The following TENM3 variants were observed in gnomAD, a reference collection of about 807,000 sequenced individuals.
TENM3 encodes teneurin transmembrane protein 3.
Under a neutral mutation model 255.1 loss-of-function variants are expected in TENM3, and 63 were observed. The ratio of observed to expected loss-of-function variants is 0.25; its 90% CI spans 0.20 to 0.30. TENM3 has a LOEUF of 0.30. TENM3 is among the 10% of genes least tolerant of loss of function. TENM3 has a pLI of 1.00. For missense variants in TENM3, 2,929 were observed against 3,461.1 expected (o/e 0.85, Z 3.86); for synonymous variants, 1,306 against 1,322.3 (o/e 0.99, Z 0.27).
the TENM3 span, among the ~76,000 whole-genome samples, chr4:182,038,878 C>T: frequency 5.9e-5 from 9 of 152,066 alleles, no homozygotes; most frequent in South Asian, 6.3e-4. Flanking sequence ...GGATTATAGG[C>T]GCCCGCCACC....
the TENM3 span, among the ~76,000 whole-genome samples, chr4:181,518,575 G>A: frequency 7.2e-5 from 11 of 152,156 alleles, no homozygotes; most frequent in East Asian, 1.2e-3. Context: ...CTATAGGCAC[G>A]TGCCACCATG....
At chr4:182,411,166 T>G (rs973186076) in intron 3 of TENM3, among the ~76,000 whole-genome samples, 2 of 152,204 alleles carry the variant, frequency 1.3e-5, no homozygotes, top group African/African-American at 4.8e-5. Context: ...CCCTCACAGC[T>G]TCCTTCACTC....
In TENM3 at chr4:182,266,357, G is replaced by T. The variant is rs533072520; in HGVS notation, c.-76+22881G>T. ...AAATTAAAATGTCAAAGAATTGTTA[G>T]GTTTAAACAAGTTGTAGAAAACTTC... On this transcript the variant is annotated intron_variant, in intron 1 of 27. Transcript: ENST00000511685. 5.5e-4 allele frequency among the ~76,000 whole-genome samples: 84 copies of T among 152,276 alleles called. 1 individual carries two copies. The highest frequency in any genetic ancestry group is 2.0e-3 in the African/African-American group (83 of 41,562).
the TENM3 span, among the ~76,000 whole-genome samples, chr4:181,996,948 C>T: frequency 8.5e-5 from 13 of 152,180 alleles, no homozygotes; most frequent in Non-Finnish European, 1.6e-4. Context: ...GAATGAATGA[C>T]TGATGGTCTT....
rs753536722 is a variant in TENM3, at chr4:182,751,889, G to A, written c.3719G>A (p.Arg1240His). 1.1e-5 allele frequency: 17 copies of A among 1,613,600 alleles called. No homozygotes were observed. Among genetic ancestry groups the A allele is most frequent in the East Asian group, 6.7e-5 (3 of 44,870 alleles). Residue 1240 changes from arginine (R) to histidine (H), a missense_variant, in exon 20 of 28, where the codon CGC (arginine) becomes CAC (histidine). By Grantham distance (29) the Arg-to-His change is conservative (BLOSUM62 0). Coordinates refer to ENST00000511685, the MANE Select transcript of TENM3 (RefSeq NM_001080477.4). ...GACACAAACACCCGCAGAATTTATC[G>A]CCCAAAGTCACTTACGGGGGCAAAA... Reference protein sequence around the residue: ...VSDTNTRRIYRPKSLTGAKDL... With the variant: ...VSDTNTRRIYHPKSLTGAKDL...
chr4:182,796,679 A>G lies in TENM3; in HGVS notation c.7256A>G (p.Asn2419Ser), dbSNP rs747716621. 2.9e-5 allele frequency: 47 copies of G among 1,613,340 alleles called. No individual in the cohort carries two copies. The highest frequency in any genetic ancestry group is 7.7e-5 in the South Asian group (7 of 90,864). ...WLVTFGFHLH[N>S]AIPGFPVPKF... ...GTGACATTTGGTTTCCATCTGCACAATGCTATTCCTGGATTCCCTGTTCCC... is the reference window on the plus strand; with the variant it reads ...GTGACATTTGGTTTCCATCTGCACAGTGCTATTCCTGGATTCCCTGTTCCC... Residue 2419 changes from asparagine (N) to serine (S), a missense_variant, in exon 27 of 28, where the codon AAT becomes AGT. This residue lies in a region of TENM3 where 476 missense variants were observed against 480.1 expected (regional missense o/e 0.99). Coordinates refer to ENST00000511685, the MANE Select transcript of TENM3 (RefSeq NM_001080477.4).
At chr4:182,123,598 C>T in the TENM3 span, among the ~76,000 whole-genome samples, 14 of 152,256 alleles carry the variant, frequency 9.2e-5, no homozygotes, top group Admixed American at 4.6e-4. Context: ...ATGAAGTGTG[C>T]AGTCTTATAT....
At chr4:182,387,897 C>A (rs1029226741) in intron 3 of TENM3, among the ~76,000 whole-genome samples, 1 of 149,208 alleles carries the variant, frequency 6.7e-6, no homozygotes, top group Non-Finnish European at 1.5e-5. Context: ...CCACCAATTC[C>A]GGACACAATA....
rs556615479 is a variant in TENM3 at position 182,490,863 on chromosome 4, C to T, written c.512-110061C>T. ...GTCATTTCATGACCTCTCCCAGCCG[C>T]TGCAGTTGTGTTTCATGCCTGCTTG... On this transcript the variant is annotated intron_variant, in intron 3 of 27. Transcript: ENST00000511685. Among the ~76,000 whole-genome samples the T allele has an allele frequency of 2.1e-4, 32 of 152,310 alleles. No individual in the cohort carries two copies. The South Asian group carries it at 6.4e-3, about 31-fold the overall frequency.
intron 12 of TENM3, among the ~76,000 whole-genome samples, chr4:182,704,249 C>T (rs1208341396): frequency 6.6e-6 from 1 of 152,162 alleles, no homozygotes; most frequent in African/African-American, 2.4e-5. Context: ...GCAAAGGCTA[C>T]CACAAAACTC....
At chr4:182,242,618 C>T (rs148095058), upstream of TENM3, among the ~76,000 whole-genome samples, 5 of 152,124 alleles carry the variant, frequency 3.3e-5, no homozygotes, top group African/African-American at 9.6e-5. Context: ...AAAATTAACC[C>T]GATGTGGTGG....
the TENM3 span, among the ~76,000 whole-genome samples, chr4:181,609,435 C>A: frequency 6.6e-6 from 1 of 152,070 alleles, no homozygotes; most frequent in Non-Finnish European, 1.5e-5. Context: ...TTGCATTTCT[C>A]TTTTAGACTT....
chr4:182,136,099 C>G, the TENM3 span, among the ~76,000 whole-genome samples: 1 of 152,004 alleles, frequency 6.6e-6, no homozygotes, highest in Non-Finnish European at 1.5e-5. Context: ...TACATAGACT[C>G]TTAGTCTCAG....
intron 12 of TENM3, among the ~76,000 whole-genome samples, chr4:182,697,351 G>A (rs551660475): frequency 2.0e-5 from 3 of 152,242 alleles, no homozygotes; most frequent in African/African-American, 4.8e-5. Context: ...AAAGTGGGTC[G>A]CCAAGGAGGC....
At chr4:182,550,575 C>T (rs1358635872) in intron 3 of TENM3, among the ~76,000 whole-genome samples, 1 of 152,090 alleles carries the variant, frequency 6.6e-6, no homozygotes, top group Admixed American at 6.6e-5. Context: ...AATTCTTAGC[C>T]TCTGAAGCTT....
At chr4:182,109,857 G>A in the TENM3 span, among the ~76,000 whole-genome samples, 21 of 152,242 alleles carry the variant, frequency 1.4e-4, no homozygotes, top group Non-Finnish European at 2.5e-4. Context: ...AAGAACAGGA[G>A]TAGGCAAACT....
rs67981646 is a variant in TENM3, at chr4:182,159,447, A to AGTGT, written c.-76+14728_-76+14731dup. The stretch of plus-strand genomic sequence containing the variant: ...CAGTGAGCAATGGATAGTGTGTATG[A>AGTGT]GTGTGTGTGTGTGTGTGTGTGTGTG... On this transcript the variant is annotated intron_variant, in intron 1 of 2. Coordinates refer to the TENM3 transcript ENST00000512480. 6.1e-3 allele frequency among the ~76,000 whole-genome samples: 797 copies of AGTGT among 130,762 alleles called. 5 individuals carry two copies. The highest frequency in any genetic ancestry group is 0.023 in the African/African-American group (751 of 33,204). 85.8% of individuals were successfully genotyped at this position (130,762 alleles called of 152,430 possible). A position where few individuals can be genotyped will look rare whatever the true frequency, so the allele number is the denominator to read the frequency against.
the TENM3 span, among the ~76,000 whole-genome samples, chr4:181,963,157 G>A: frequency 6.6e-6 from 1 of 152,144 alleles, no homozygotes; most frequent in Non-Finnish European, 1.5e-5. Flanking sequence ...ATTAGATTTG[G>A]CCATACTGCT....
intron 10 of TENM3, 70 bp downstream of exon 10, chr4:182,680,807 T>C: frequency 8.0e-7 from 1 of 1,243,078 alleles, no homozygotes; most frequent in Non-Finnish European, 1.1e-6. Flanking sequence ...CTGTAATCTT[T>C]AGTTGGGCAG....
Sources: allele counts gnomAD v4.1 joint callset (sites outside exome capture counted in the v4.1 genomes callset), GRCh38; gene constraint gnomAD v4.1.1; regional missense constraint gnomAD v4.1.1; transcripts MANE v1.5; gene names NCBI Gene and HGNC (gene_info 2026-07-23, HGNC 2026-07-21).